The following NELL2 variants were observed in gnomAD, a reference collection of about 807,000 sequenced individuals.
The protein encoded by NELL2 is neural EGFL like 2, also known as protein kinase C-binding protein NELL2.
In NELL2, 41 loss-of-function variants were observed where a neutral mutation model predicts 109.6. That is an observed-to-expected ratio of 0.37 (90% CI 0.29 to 0.49). The LOEUF (loss-of-function observed/expected upper bound fraction) is 0.49, where lower values mean the gene tolerates loss of function less well. Among genes scored for constraint, NELL2 ranks in the 20% least tolerant of loss-of-function variants. The pLI is 0.98. For synonymous variants in NELL2, 355 were observed against 344.7 expected, an observed-to-expected ratio of 1.03 and a Z score of -0.33; for missense variants, 900 against 1,008.3, an observed-to-expected ratio of 0.89 and a Z score of 1.45.
intron 15 of NELL2, among the ~76,000 whole-genome samples, chr12:44,543,333 A>C (rs1291563753): frequency 1.3e-5 from 2 of 152,142 alleles, no homozygotes; most frequent in Non-Finnish European, 2.9e-5. Context: ...TATATCTAGA[A>C]TCTACTAATC....
intron 13 of NELL2, among the ~76,000 whole-genome samples, chr12:44,630,386 A>G (rs961674941): frequency 6.6e-6 from 1 of 152,224 alleles, no homozygotes; most frequent in Non-Finnish European, 1.5e-5. Context: ...ATTCAAATAG[A>G]TCTGTCAAAC....
chr12:44,740,701 T>C (rs939627106), intron 9 of NELL2, among the ~76,000 whole-genome samples: 3 of 152,176 alleles, frequency 2.0e-5, no homozygotes, highest in Admixed American at 2.0e-4. Context: ...CTTTGTTTCT[T>C]CTCTACCAGT....
intron 13 of NELL2, among the ~76,000 whole-genome samples, chr12:44,641,462 G>A (rs913041420): frequency 6.6e-6 from 1 of 152,130 alleles, no homozygotes; most frequent in South Asian, 2.1e-4. Flanking sequence ...AATCTTACCT[G>A]ACAACGTAAG....
chr12:44,863,774 T>C (rs1944909591), intron 2 of NELL2, among the ~76,000 whole-genome samples: 1 of 152,156 alleles, frequency 6.6e-6, no homozygotes, highest in African/African-American at 2.4e-5. Flanking sequence ...TCAAATACTA[T>C]AATGGTAGTG....
chr12:44,876,855 G>A (rs185050147), upstream of NELL2: 13 of 1,308,788 alleles, frequency 9.9e-6, no homozygotes, highest in Admixed American at 6.7e-5. Context: ...GTAGAGACTG[G>A]TGGGGACGGA....
chr12:44,595,438 T>C (rs1254774599), intron 15 of NELL2, among the ~76,000 whole-genome samples: 2 of 152,204 alleles, frequency 1.3e-5, no homozygotes, highest in African/African-American at 4.8e-5. Context: ...TTTTGTTTGT[T>C]TGTTTTGAGA....
intron 19 of NELL2, among the ~76,000 whole-genome samples, chr12:44,516,860 A>G (rs1393177735): frequency 2.0e-5 from 3 of 148,586 alleles, no homozygotes; most frequent in Non-Finnish European, 4.4e-5. Context: ...TAACAAAGAA[A>G]CCAAATCTGC....
At chr12:44,629,297 TA>T (rs1946370943) in intron 13 of NELL2, among the ~76,000 whole-genome samples, 1 of 152,182 alleles carries the variant, frequency 6.6e-6, no homozygotes, top group Non-Finnish European at 1.5e-5. Context: ...TCTCAGAATT[TA>T]AAAAAATTAA....
At chr12:44,872,883 T>C (rs2136838920) in intron 2 of NELL2, among the ~76,000 whole-genome samples, 1 of 152,326 alleles carries the variant, frequency 6.6e-6, no homozygotes, top group East Asian at 1.9e-4. Context: ...CTATAAAATC[T>C]TCAGTCTGTA....
chr12:44,512,210 C>A (rs1941029226), intron 19 of NELL2, among the ~76,000 whole-genome samples: 1 of 151,930 alleles, frequency 6.6e-6, no homozygotes, highest in South Asian at 2.1e-4. Flanking sequence ...TACAAATGAC[C>A]AACACATATA....
chr12:44,654,319 CT>C (rs1257158574), intron 13 of NELL2, among the ~76,000 whole-genome samples: 2 of 152,160 alleles, frequency 1.3e-5, no homozygotes, highest in African/African-American at 2.4e-5. Context: ...TACATTTTTA[CT>C]ACTCTAACTC....
At chr12:44,878,524 T>C (rs558464977), upstream of NELL2, among the ~76,000 whole-genome samples, 1 of 152,324 alleles carries the variant, frequency 6.6e-6, no homozygotes, top group South Asian at 2.1e-4. Context: ...TGTAGGATGT[T>C]AGTTGAATTC....
intron 9 of NELL2, among the ~76,000 whole-genome samples, chr12:44,764,022 T>A (rs970492534): frequency 6.6e-6 from 1 of 152,230 alleles, no homozygotes; most frequent in Middle Eastern, 3.4e-3. Flanking sequence ...CCCAAGCTAC[T>A]AAAGGCCTGG....
At chr12:44,704,212 A>G (rs947852767) in intron 11 of NELL2, among the ~76,000 whole-genome samples, 11 of 152,174 alleles carry the variant, frequency 7.2e-5, no homozygotes, top group Admixed American at 7.2e-4. Context: ...ATGAGAAGGT[A>G]ATCTGGTAAC....
intron 3 of NELL2, 90 bp from the exon 4 acceptor site, chr12:44,780,112 C>T: frequency 7.2e-7 from 1 of 1,382,808 alleles, no homozygotes; most frequent in South Asian, 1.4e-5. Flanking sequence ...AATAGATGTA[C>T]TTTTCCTAGT....
At chr12:44,602,653 C>T (rs900164863) in intron 15 of NELL2, among the ~76,000 whole-genome samples, 1 of 151,730 alleles carries the variant, frequency 6.6e-6, no homozygotes, top group East Asian at 1.9e-4. Flanking sequence ...AATGTATTTC[C>T]ACTGTGAGTC....
intron 12 of NELL2, among the ~76,000 whole-genome samples, chr12:44,690,555 T>C (rs1592342792): frequency 6.7e-6 from 1 of 149,014 alleles, no homozygotes; most frequent in Admixed American, 6.7e-5. Context: ...AAAAAAAAAC[T>C]GCCAAAGGAG....
chr12:44,610,754 G>A (rs1259269441), intron 14 of NELL2, 94 bp downstream of exon 14: 37 of 1,526,320 alleles, frequency 2.4e-5, no homozygotes, highest in African/African-American at 4.1e-5. Context: ...GAAGTACCTG[G>A]AATGTACATA....
intron 9 of NELL2, among the ~76,000 whole-genome samples, chr12:44,756,861 T>C (rs1174775568): frequency 6.6e-6 from 1 of 152,158 alleles, no homozygotes; most frequent in Non-Finnish European, 1.5e-5. Context: ...TAAGTGACTC[T>C]GATCATTCCT....
Sources: gnomAD v4.1 joint callset for allele counts (sites outside exome capture counted in the v4.1 genomes callset) on GRCh38, gnomAD v4.1.1 for gene constraint, MANE v1.5 for transcripts, NCBI Gene and HGNC (gene_info 2026-07-23, HGNC 2026-07-21) for gene names.